GMDS: variants seen among roughly 807,000 people sequenced by gnomAD.
The protein encoded by GMDS is GDP-mannose 4,6-dehydratase.
A neutral mutation model predicts 49.9 loss-of-function variants in GMDS; 20 were observed. The observed-to-expected ratio is 0.40, with a 90% confidence interval of 0.28 to 0.58. GMDS has a LOEUF of 0.58. Ranked by LOEUF, GMDS falls within the 20% of genes least tolerant of loss-of-function variation. The pLI is 0.42. For synonymous variants in GMDS, 177 were observed against 178.6 expected, an observed-to-expected ratio of 0.99 and a Z score of 0.07; for missense variants, 362 against 481.4, an observed-to-expected ratio of 0.75 and a Z score of 2.32.
At chr6:1,783,958 T>C (rs1465811079) in intron 7 of GMDS, among the ~76,000 whole-genome samples, 2 of 152,034 alleles carry the variant, frequency 1.3e-5, no homozygotes, top group African/African-American at 2.4e-5. Flanking sequence ...ACTCAGTAGG[T>C]TGTGACACAA....
chr6:1,700,611 C>T (rs1205381784), intron 9 of GMDS, among the ~76,000 whole-genome samples: 3 of 152,124 alleles, frequency 2.0e-5, no homozygotes, highest in East Asian at 1.9e-4. Flanking sequence ...CAGGATGAAC[C>T]GAAGTCGGCC....
At chr6:1,704,146 C>G (rs1020217583) in intron 9 of GMDS, among the ~76,000 whole-genome samples, 1 of 152,124 alleles carries the variant, frequency 6.6e-6, no homozygotes, top group Non-Finnish European at 1.5e-5. Flanking sequence ...ACAAGATCAA[C>G]GCTGATGATA....
intron 4 of GMDS, among the ~76,000 whole-genome samples, chr6:2,045,594 G>T (rs911556274): frequency 6.6e-6 from 1 of 151,856 alleles, no homozygotes; most frequent in African/African-American, 2.4e-5. Context: ...CACCATAATT[G>T]GTTTTGGGGG....
intron 9 of GMDS, among the ~76,000 whole-genome samples, chr6:1,634,872 G>A (rs761791194): frequency 8.5e-5 from 13 of 152,258 alleles, no homozygotes; most frequent in Middle Eastern, 3.4e-3. Context: ...AGATGATCTT[G>A]GAGAAAGAGC....
intron 4 of GMDS, among the ~76,000 whole-genome samples, chr6:2,051,677 T>C (rs1325682948): frequency 6.6e-6 from 1 of 152,196 alleles, no homozygotes; most frequent in Non-Finnish European, 1.5e-5. Flanking sequence ...TTCCCTATTT[T>C]TGTATTCTTT....
chr6:1,737,534 C>A (rs61207262), intron 8 of GMDS, among the ~76,000 whole-genome samples: 1 of 150,918 alleles, frequency 6.6e-6, no homozygotes, highest in African/African-American at 2.4e-5. Context: ...GATACACACA[C>A]ATACACACCA....
intron 1 of GMDS, among the ~76,000 whole-genome samples, chr6:2,216,189 T>A (rs1402713453): frequency 6.6e-6 from 1 of 152,232 alleles, no homozygotes; most frequent in Admixed American, 6.5e-5. Flanking sequence ...GATTTTAGAT[T>A]AAATAGTTTT....
At chr6:1,941,806 C>T (rs780059426) in intron 6 of GMDS, among the ~76,000 whole-genome samples, 3 of 152,136 alleles carry the variant, frequency 2.0e-5, no homozygotes, top group Non-Finnish European at 2.9e-5. Flanking sequence ...TCCAGACAGA[C>T]AGCTCCTCCA....
chr6:2,242,546 T>C (rs563697996), intron 1 of GMDS, among the ~76,000 whole-genome samples: 1 of 152,362 alleles, frequency 6.6e-6, no homozygotes, highest in Admixed American at 6.5e-5. Flanking sequence ...TAAGAGCCCA[T>C]CTTGGCACAA....
rs538022351 is a variant in GMDS at position 1,724,494 on chromosome 6, T to C, written c.987+1922A>G. ...TAAGTAGGAATGACAGACAAGCCAT[T>C]CTTAATGACTTCCTAGCTTTTGAAA... On this transcript the variant is annotated intron_variant, in intron 9 of 10. Transcript: ENST00000380815. Among the ~76,000 whole-genome samples, 20 of 152,296 alleles carry C rather than the reference T, an allele frequency of 1.3e-4. No individual in the cohort carries two copies. In the South Asian group the frequency reaches 4.1e-3, roughly 32 times the overall value.
chr6:1,930,237 A>G lies in GMDS; in HGVS notation c.644-7T>C. The stretch of plus-strand genomic sequence containing the variant: ...CGAGTAACGAAATTAGCTCCTAAAA[A>G]GAGGCAAAAGATGTAGTATCAGTCA... On this transcript the variant is annotated splice_region_variant and splice_polypyrimidine_tract_variant and intron_variant, in intron 6 of 10. Coordinates refer to ENST00000380815, the MANE Select transcript of GMDS (RefSeq NM_001500.4). 1 of 1,612,194 alleles carries G rather than the reference A, an allele frequency of 6.2e-7. No homozygotes were observed. The highest frequency in any genetic ancestry group is 1.1e-5 in the South Asian group (1 of 90,566).
chr6:1,822,012 GA>G (rs894571612), intron 7 of GMDS, among the ~76,000 whole-genome samples: 1 of 150,396 alleles, frequency 6.6e-6, no homozygotes, highest in Admixed American at 6.6e-5. Flanking sequence ...TTCCTGAAAA[GA>G]AAAAAAAATA....
intron 4 of GMDS, among the ~76,000 whole-genome samples, chr6:2,101,205 C>T (rs1004824719): frequency 1.3e-5 from 2 of 151,126 alleles, no homozygotes; most frequent in African/African-American, 2.4e-5. Flanking sequence ...AGGGTTTAAC[C>T]GGGATGTTTC....
rs1411866020 is a variant in GMDS at position 1,714,586 on chromosome 6, A to G, written c.987+11830T>C. Among the ~76,000 whole-genome samples, 6 of 152,198 alleles carry G rather than the reference A, an allele frequency of 3.9e-5. No individual in the cohort carries two copies. The East Asian group carries it at 1.2e-3, about 29-fold the overall frequency. Reference sequence around the variant, plus strand: ...TCAGAGTAGCAGAGAAACGCGTGTCATGGGGAAAGCCAGAGAACTGAGTGT... The same window carrying G: ...TCAGAGTAGCAGAGAAACGCGTGTCGTGGGGAAAGCCAGAGAACTGAGTGT... On this transcript the variant is annotated intron_variant, in intron 9 of 10. Coordinates refer to ENST00000380815, the MANE Select transcript of GMDS (RefSeq NM_001500.4).
intron 6 of GMDS, among the ~76,000 whole-genome samples, chr6:1,939,008 T>TTCTCTC (rs143318093): frequency 7.5e-6 from 1 of 132,760 alleles, no homozygotes; most frequent in Non-Finnish European, 1.6e-5. Context: ...TCCTCTTCTC[T>TTCTCTC]TCTCTCTCTC....
intron 9 of GMDS, among the ~76,000 whole-genome samples, chr6:1,637,171 C>A (rs1763181049): frequency 6.6e-6 from 1 of 152,204 alleles, no homozygotes; most frequent in South Asian, 2.1e-4. Flanking sequence ...AGCCAGGTGT[C>A]TGGGGGAGCT....
chr6:1,650,434 G>A (rs1198783978), intron 9 of GMDS, among the ~76,000 whole-genome samples: 1 of 152,110 alleles, frequency 6.6e-6, no homozygotes, highest in Non-Finnish European at 1.5e-5. Context: ...TTTTAAGAAC[G>A]TGTGAAATAT....
At chr6:1,734,526 C>T (rs867980583) in intron 8 of GMDS, among the ~76,000 whole-genome samples, 13 of 152,330 alleles carry the variant, frequency 8.5e-5, no homozygotes, top group African/African-American at 3.1e-4. Flanking sequence ...GACTGCCAAG[C>T]CAGGCTTCTG....
intron 1 of GMDS, among the ~76,000 whole-genome samples, chr6:2,152,940 C>T (rs1039867434): frequency 3.9e-5 from 6 of 151,996 alleles, no homozygotes; most frequent in Admixed American, 2.0e-4. Flanking sequence ...ATTAGCCAGG[C>T]GTGGTGGTGG....
Sources: gnomAD v4.1 joint callset for allele counts (sites outside exome capture counted in the v4.1 genomes callset) on GRCh38, gnomAD v4.1.1 for gene constraint, MANE v1.5 for transcripts, NCBI Gene and HGNC (gene_info 2026-07-23, HGNC 2026-07-21) for gene names.